Variants in ACYP1 observed in about 807,000 individuals in gnomAD.
ACYP1 encodes acylphosphatase 1, also known as acylphosphatase-1.
In ACYP1, 8 loss-of-function variants were observed where a neutral mutation model predicts 10.4. The observed-to-expected ratio is 0.77, with a 90% confidence interval of 0.45 to 1.38. ACYP1 has a LOEUF of 1.38. ACYP1 is among the 40% of genes most tolerant of loss of function. The pLI is 0.00. For synonymous variants in ACYP1, 38 were observed against 40.8 expected (o/e 0.93, Z 0.26); for missense variants, 93 against 117.3 (o/e 0.79, Z 0.96).
chr14:75,067,090 G>C (rs867578076), upstream of ACYP1, among the ~76,000 whole-genome samples: 8 of 151,998 alleles, frequency 5.3e-5, no homozygotes, highest in African/African-American at 1.9e-4. Context: ...TAATGAGAAA[G>C]ACTAAAGCTA....
At chr14:75,065,982 G>C (rs1430653836), upstream of ACYP1, among the ~76,000 whole-genome samples, 1 of 152,228 alleles carries the variant, frequency 6.6e-6, no homozygotes, top group Non-Finnish European at 1.5e-5. Flanking sequence ...GTTGTGGCTA[G>C]ACCAGGGGTT....
At chr14:75,054,825 G>A (rs921912959) in intron 2 of ACYP1, among the ~76,000 whole-genome samples, 3 of 151,486 alleles carry the variant, frequency 2.0e-5, no homozygotes, top group Admixed American at 2.0e-4. Context: ...TACCTGATGC[G>A]CTGCTAAGTG....
chr14:75,058,319 G>T (rs1438698814), intron 2 of ACYP1, among the ~76,000 whole-genome samples: 2 of 151,108 alleles, frequency 1.3e-5, no homozygotes, highest in African/African-American at 4.9e-5. Flanking sequence ...TGTGGTGGCG[G>T]GTGCCTGTAA....
intron 2 of ACYP1, among the ~76,000 whole-genome samples, chr14:75,056,461 CT>C (rs1357163468): frequency 1.0e-4 from 15 of 147,952 alleles, no homozygotes; most frequent in African/African-American, 3.3e-4. Flanking sequence ...TTTCCTTTTT[CT>C]TTTTTTTTTC....
intron 2 of ACYP1, among the ~76,000 whole-genome samples, chr14:75,059,480 T>G (rs190650345): frequency 1.5e-3 from 235 of 152,356 alleles, no homozygotes; most frequent in Admixed American, 4.1e-3. Flanking sequence ...TAAAAACTTT[T>G]GTACTTCACA....
intron 2 of ACYP1, among the ~76,000 whole-genome samples, chr14:75,055,510 T>C (rs780445965): frequency 6.6e-6 from 1 of 151,504 alleles, no homozygotes; most frequent in Non-Finnish European, 1.5e-5. Context: ...GATGACATAA[T>C]GTTATTGACT....
upstream of ACYP1, among the ~76,000 whole-genome samples, chr14:75,064,743 A>T (rs113583581): frequency 5.9e-3 from 905 of 152,202 alleles, 8 homozygotes; most frequent in African/African-American, 0.021. Context: ...CAAATAAATA[A>T]ATTAATAAAT....
chr14:75,066,222 T>C (rs963286839), upstream of ACYP1, among the ~76,000 whole-genome samples: 3 of 152,170 alleles, frequency 2.0e-5, no homozygotes, highest in Non-Finnish European at 4.4e-5. Context: ...CTTTATTCTA[T>C]AGGTAAAGAA....
At chr14:75,063,339 TCTACAAA>T in intron 2 of ACYP1, 124 bp downstream of exon 2, 1 of 703,134 alleles carries the variant, frequency 1.4e-6, no homozygotes, top group Non-Finnish European at 2.6e-6. Context: ...TACTCATTGC[TCTACAAA>T]CTACCTCTTT....
At chr14:75,058,335 G>C (rs1195719790) in intron 2 of ACYP1, among the ~76,000 whole-genome samples, 2 of 151,320 alleles carry the variant, frequency 1.3e-5, no homozygotes, top group African/African-American at 4.9e-5. Flanking sequence ...TGTAATCCCA[G>C]CCACTTGGGA....
At chr14:75,054,389 G>T (rs1321396241) in intron 2 of ACYP1, among the ~76,000 whole-genome samples, 1 of 151,458 alleles carries the variant, frequency 6.6e-6, no homozygotes, top group Admixed American at 6.6e-5. Context: ...CTTATAAAAA[G>T]CATCTAATCA....
chr14:75,061,744 T>C (rs1230402777), intron 2 of ACYP1: 1 of 1,588,396 alleles, frequency 6.3e-7, no homozygotes, highest in Non-Finnish European at 8.6e-7. Context: ...TCAGCAATTC[T>C]GTTTTCAACA....
intron 2 of ACYP1, chr14:75,060,166 A>T (rs962405008): frequency 1.6e-6 from 1 of 626,152 alleles, no homozygotes; most frequent in Non-Finnish European, 2.9e-6. Flanking sequence ...ATATTTTGGG[A>T]TTTTCCAGTT....
At chr14:75,066,946 C>A (rs1893151971), upstream of ACYP1, among the ~76,000 whole-genome samples, 2 of 152,094 alleles carry the variant, frequency 1.3e-5, no homozygotes, top group African/African-American at 2.4e-5. Context: ...TGTGAGCATG[C>A]AAGGGCACAC....
intron 2 of ACYP1, chr14:75,062,999 TAGAA>T (rs1893066978): frequency 6.5e-6 from 1 of 154,164 alleles, no homozygotes; most frequent in South Asian, 2.0e-4. Flanking sequence ...CAAAAAAGAA[TAGAA>T]AGAAATTAAG....
At chr14:75,060,805 C>T (rs924595033) in intron 2 of ACYP1, among the ~76,000 whole-genome samples, 8 of 152,150 alleles carry the variant, frequency 5.3e-5, no homozygotes, top group Admixed American at 2.6e-4. Context: ...GTGGCTCATG[C>T]GTGTAATCCC....
upstream of ACYP1, among the ~76,000 whole-genome samples, chr14:75,065,752 A>G (rs1893132171): frequency 6.6e-6 from 1 of 152,240 alleles, no homozygotes; most frequent in Admixed American, 6.5e-5. Flanking sequence ...ACAAGGACAG[A>G]AAATATTACA....
At chr14:75,055,250 C>T (rs983435259) in intron 2 of ACYP1, among the ~76,000 whole-genome samples, 6 of 150,910 alleles carry the variant, frequency 4.0e-5, no homozygotes, top group Non-Finnish European at 7.4e-5. Flanking sequence ...CCACTCCCGG[C>T]TAATTTTTTT....
At chr14:75,066,728 T>A (rs539338072), upstream of ACYP1, among the ~76,000 whole-genome samples, 14 of 152,170 alleles carry the variant, frequency 9.2e-5, no homozygotes, top group Non-Finnish European at 1.5e-5. Context: ...GGTGCACACC[T>A]GTACTTCCAG....
Sources: allele counts gnomAD v4.1 joint callset (sites outside exome capture counted in the v4.1 genomes callset), GRCh38; gene constraint gnomAD v4.1.1; transcripts MANE v1.5; gene names NCBI Gene and HGNC (gene_info 2026-07-23, HGNC 2026-07-21).